Variants in CACNB1 observed in about 807,000 individuals in gnomAD.
CACNB1 encodes the protein voltage-dependent L-type calcium channel subunit beta-1.
A neutral mutation model predicts 71.6 loss-of-function variants in CACNB1; 29 were observed. The ratio of observed to expected loss-of-function variants is 0.40; its 90% CI spans 0.30 to 0.55. CACNB1 has a LOEUF of 0.55. CACNB1 is among the 20% of genes least tolerant of loss of function. The pLI is 0.38. For synonymous variants in CACNB1, 300 were observed against 319.6 expected (o/e 0.94, Z 0.65); for missense variants, 623 against 801.8 (o/e 0.78, Z 2.69).
chr17:39,184,729 G>A, intron 8 of CACNB1, 55 bp downstream of exon 8: 5 of 1,211,734 alleles, frequency 4.1e-6, no homozygotes, highest in Non-Finnish European at 6.2e-6. Flanking sequence ...TCTCTCTGGG[G>A]TCTGAAGATC....
At chr17:39,187,168 G>T in intron 4 of CACNB1, 1 of 602,936 alleles carries the variant, frequency 1.7e-6, no homozygotes, top group Non-Finnish European at 2.9e-6. Flanking sequence ...AATTCTGAGA[G>T]TCCTTCTCCC....
At chr17:39,197,380 C>CAA in intron 1 of CACNB1, 32 bp downstream of exon 1, 1 of 1,391,972 alleles carries the variant, frequency 7.2e-7, no homozygotes. Context: ...GGGAGCGACC[C>CAA]CCTCCCGTTG....
rs561003874 is a variant in CACNB1, at chr17:39,176,371, T to C, written c.1333-714A>G. On this transcript the variant is annotated intron_variant, in intron 13 of 13. Transcript: ENST00000394303. ...CCTGCCATGTCAAGCTGTGTGACCC[T>C]AAGCAAACAGTTCCCCTCTCTGTGG... 7.9e-5 allele frequency among the ~76,000 whole-genome samples: 12 copies of C among 152,336 alleles called. No homozygotes were observed. The East Asian group carries it at 1.7e-3, about 22-fold the overall frequency.
At position 39,174,869 on chromosome 17, in the gene CACNB1, C is replaced by T. The variant is rs765648256; in HGVS notation, c.*324G>A. ...CACTTAGGACCGTCACTTAGGGCCC[C>T]GAGTAGAAAGAGTTAAGGAAGTGCA... On this transcript the variant is annotated 3_prime_UTR_variant, in exon 14 of 14. Coordinates refer to ENST00000394303, the MANE Select transcript of CACNB1 (RefSeq NM_000723.5). The T allele has an allele frequency of 1.8e-5, 5 of 274,682 alleles. No homozygotes were observed. The highest frequency in any genetic ancestry group is 2.8e-5 in the Non-Finnish European group (4 of 144,582). 17.0% of individuals were successfully genotyped at this position (274,682 alleles called of 1,614,324 possible). A position where few individuals can be genotyped will look rare whatever the true frequency, so the allele number is the denominator to read the frequency against.
chr17:39,194,997 G>C lies in CACNB1; in HGVS notation c.85-27C>G, dbSNP rs2046173061. On this transcript the variant is annotated intron_variant, in intron 1 of 13. Coordinates refer to ENST00000394303, the MANE Select transcript of CACNB1 (RefSeq NM_000723.5). The surrounding 1 kb of genome is among the most constrained non-coding windows in gnomAD (Gnocchi z 4.6). ...TGAAGAGGCCAGGAAAGGAACAAGA[G>C]TAGAATCAGAAGGGCCCTTTCCCAA... The C allele has an allele frequency of 6.5e-7, 1 of 1,539,404 alleles. No individual in the cohort carries two copies. The highest frequency in any genetic ancestry group is 8.9e-7 in the Non-Finnish European group (1 of 1,118,150).
At chr17:39,193,914 C>T (rs2046148537) in intron 2 of CACNB1, 1 of 155,780 alleles carries the variant, frequency 6.4e-6, no homozygotes, top group Admixed American at 6.4e-5. Flanking sequence ...GACTGAGGCT[C>T]ACATGTGCCA....
intron 13 of CACNB1, among the ~76,000 whole-genome samples, chr17:39,176,527 G>T (rs1405656554): frequency 1.3e-5 from 2 of 152,202 alleles, no homozygotes; most frequent in African/African-American, 4.8e-5. Flanking sequence ...TGGAGGTGGA[G>T]GGGAGGCCAT....
Position 39,186,093 on chromosome 17 carries a change from T to C in CACNB1, c.628+403A>G. 6.2e-7 allele frequency: 1 copy of C among 1,613,626 alleles called. No homozygotes were observed. The highest frequency in any genetic ancestry group is 8.5e-7 in the Non-Finnish European group (1 of 1,179,796). The stretch of plus-strand genomic sequence containing the variant: ...GGGTCTAGTTCAAAGGCTAAGTTAG[T>C]CATTTCATTACCTGGACCGGAGAGT... On this transcript the variant is annotated intron_variant, in intron 6 of 13. Coordinates refer to ENST00000394303, the MANE Select transcript of CACNB1 (RefSeq NM_000723.5). This position sits in a 1 kb window ranked among gnomAD's most constrained non-coding sequence, Gnocchi z 4.1.
At chr17:39,189,112 C>G (rs1032677663) in intron 3 of CACNB1, among the ~76,000 whole-genome samples, 7 of 152,034 alleles carry the variant, frequency 4.6e-5, no homozygotes, top group Non-Finnish European at 8.8e-5. Flanking sequence ...TGCCTGTAAT[C>G]CCAGCACTTT....
Position 39,184,336 on chromosome 17 carries a change from C to T in CACNB1, c.777G>A (p.Arg259=). ...QKALFDFLKH[R]FDGRISITRV... ...TCCCAGGATCTTACCTGCCATCAAA[C>T]CGATGCTTCAAGAAGTCAAATAAAG... Residue 259 remains arginine, a synonymous_variant, in exon 9 of 14, where the codon CGG becomes CGA. Coordinates refer to ENST00000394303, the MANE Select transcript of CACNB1 (RefSeq NM_000723.5). The T allele has an allele frequency of 1.3e-6, 2 of 1,551,282 alleles. No individual in the cohort carries two copies. The highest frequency in any genetic ancestry group is 1.7e-6 in the Non-Finnish European group (2 of 1,146,224).
intron 2 of CACNB1, chr17:39,192,762 A>C (rs1432067024): frequency 6.6e-6 from 1 of 152,284 alleles, no homozygotes; most frequent in African/African-American, 2.4e-5. Context: ...TGGGAAAGAC[A>C]GAAACAAAGT....
At chr17:39,193,886 C>T (rs1391417301) in intron 2 of CACNB1, 1 of 157,376 alleles carries the variant, frequency 6.4e-6, no homozygotes, top group Non-Finnish European at 1.4e-5. Context: ...GCCTCCCCTT[C>T]CTGAACCTCC....
rs2045938724 is a variant in CACNB1 at position 39,186,319 on chromosome 17, C to T, written c.628+177G>A. The T allele has an allele frequency of 3.2e-6, 2 of 633,964 alleles. No individual in the cohort carries two copies. Among genetic ancestry groups the T allele is most frequent in the South Asian group, 3.9e-5 (2 of 51,542 alleles). The allele number at this position is 633,964 out of a possible 1,614,324, so 39.3% of individuals were successfully genotyped here. A position where few individuals can be genotyped will look rare whatever the true frequency, so the allele number is the denominator to read the frequency against. On this transcript the variant is annotated intron_variant, in intron 6 of 13. Transcript: ENST00000394303. This position sits in a 1 kb window ranked among gnomAD's most constrained non-coding sequence, Gnocchi z 4.1. ...TACCAAAGAAAAGGGAGAGGAGAGA[C>T]ATGACAGGCCCAGCTTGAGGGGTAG...
chr17:39,177,112 T>C (rs928975112), intron 13 of CACNB1: 4 of 1,424,454 alleles, frequency 2.8e-6, no homozygotes, highest in Non-Finnish European at 2.7e-6. Flanking sequence ...CCCAGACCCA[T>C]CAAAAACCAC....
At chr17:39,187,260 A>G in intron 4 of CACNB1, 1 of 622,972 alleles carries the variant, frequency 1.6e-6, no homozygotes, top group South Asian at 2.0e-5. Context: ...ATGCCAGTTC[A>G]GGCCCCCTAA....
At position 39,184,824 on chromosome 17, in the gene CACNB1, C is replaced by G; in HGVS notation, c.689G>C (p.Arg230Thr). 6.2e-7 allele frequency: 1 copy of G among 1,612,900 alleles called. No individual in the cohort carries two copies. Among genetic ancestry groups the G allele is most frequent in the Non-Finnish European group, 8.5e-7 (1 of 1,179,228 alleles). The change falls in exon 8 of 14, where the codon AGG becomes ACG. Residue 230 changes from arginine (R) to threonine (T), a missense_variant. Transcript: ENST00000394303. ...CGACGGTCCCACCAGGATGATGGGC[C>G]TCATGGAAGGCACCACGTCATAGGG... ...VPPYDVVPSM[R>T]PIILVGPSLK...
At position 39,194,179 on chromosome 17, in the gene CACNB1, G is replaced by A. The variant is rs16533; in HGVS notation, c.171+705C>T. Among the ~76,000 whole-genome samples the A allele has an allele frequency of 2.6e-3, 397 of 152,168 alleles. 1 individual carries two copies. The highest frequency in any genetic ancestry group is 3.8e-3 in the Non-Finnish European group (256 of 68,008). ...TTTGGTGAGATGCTAAGTAGTCATA[G>A]CAACCACATGCCTCTCTCAGTCCCT... is the stretch of plus-strand genomic sequence containing the variant. On this transcript the variant is annotated intron_variant, in intron 2 of 13. Coordinates refer to ENST00000394303, the MANE Select transcript of CACNB1 (RefSeq NM_000723.5). The surrounding 1 kb of genome is among the most constrained non-coding windows in gnomAD (Gnocchi z 4.6).
intron 1 of CACNB1, among the ~76,000 whole-genome samples, chr17:39,196,654 A>G (rs375644396): frequency 2.0e-5 from 3 of 152,022 alleles, no homozygotes; most frequent in African/African-American, 7.3e-5. Context: ...ACTTCCTGGG[A>G]GTAACCAGGG....
chr17:39,186,614 G>A lies in CACNB1; in HGVS notation c.552-42C>T. On this transcript the variant is annotated intron_variant, in intron 5 of 13. Coordinates refer to ENST00000394303, the MANE Select transcript of CACNB1 (RefSeq NM_000723.5). This position sits in a 1 kb window ranked among gnomAD's most constrained non-coding sequence, Gnocchi z 4.1. ...AAACCGAGCTTGTGAGCAAAGAGGTGGGCGTGGGGGGCTCTCATCCTCTCA... is the reference window on the plus strand; with the variant it reads ...AAACCGAGCTTGTGAGCAAAGAGGTAGGCGTGGGGGGCTCTCATCCTCTCA... The A allele has an allele frequency of 4.5e-6, 7 of 1,562,030 alleles. No homozygotes were observed. The highest frequency in any genetic ancestry group is 6.2e-6 in the Non-Finnish European group (7 of 1,135,714).
Sources: allele counts gnomAD v4.1 joint callset (sites outside exome capture counted in the v4.1 genomes callset), GRCh38; gene constraint gnomAD v4.1.1; non-coding constraint Gnocchi (gnomAD v3.1); transcripts MANE v1.5; gene names NCBI Gene and HGNC (gene_info 2026-07-23, HGNC 2026-07-21).